DSCAML1: variants seen among roughly 807,000 people sequenced by gnomAD.
DSCAML1 encodes cell adhesion molecule DSCAML1.
In DSCAML1, 38 loss-of-function variants were observed where a neutral mutation model predicts 200.5. The observed-to-expected ratio is 0.19, with a 90% CI of 0.15 to 0.25. The LOEUF (loss-of-function observed/expected upper bound fraction) is 0.25, where lower values mean the gene tolerates loss of function less well. Among genes scored for constraint, DSCAML1 ranks in the 10% least tolerant of loss-of-function variants. The pLI is 1.00. For missense variants in DSCAML1, 2,223 were observed against 2,858.8 expected, an observed-to-expected ratio of 0.78 and a Z score of 5.07; for synonymous variants, 1,215 against 1,165.0, an observed-to-expected ratio of 1.04 and a Z score of -0.87.
At chr11:117,789,335 A>G (rs894195666) in intron 1 of DSCAML1, among the ~76,000 whole-genome samples, 3 of 152,178 alleles carry the variant, frequency 2.0e-5, no homozygotes, top group African/African-American at 7.2e-5. Flanking sequence ...AAGGTCCCTT[A>G]TGGCCAAAAT....
intron 3 of DSCAML1, among the ~76,000 whole-genome samples, chr11:117,639,530 A>G (rs1314892412): frequency 6.6e-6 from 1 of 151,718 alleles, no homozygotes; most frequent in Non-Finnish European, 1.5e-5. Context: ...AAAGAGATCT[A>G]AAAGTCTTTG....
At chr11:117,593,525 G>T (rs1338703521) in intron 3 of DSCAML1, among the ~76,000 whole-genome samples, 1 of 152,192 alleles carries the variant, frequency 6.6e-6, no homozygotes, top group Non-Finnish European at 1.5e-5. Context: ...TGTGTATAGG[G>T]TTCTACAAAT....
intron 3 of DSCAML1, among the ~76,000 whole-genome samples, chr11:117,716,874 G>A (rs1244457400): frequency 6.6e-6 from 1 of 152,138 alleles, no homozygotes; most frequent in Non-Finnish European, 1.5e-5. Context: ...CAGAGCTGAG[G>A]TGGTTGCCAC....
chr11:117,633,758 G>A (rs1447707127), intron 3 of DSCAML1, among the ~76,000 whole-genome samples: 3 of 152,230 alleles, frequency 2.0e-5, no homozygotes, highest in African/African-American at 7.2e-5. Context: ...AACGCAGCAC[G>A]GCAGGCAGAA....
chr11:117,470,313 C>T (rs925948544), intron 15 of DSCAML1, among the ~76,000 whole-genome samples: 18 of 152,144 alleles, frequency 1.2e-4, no homozygotes, highest in Admixed American at 1.2e-3. Context: ...CGGTGGCTCA[C>T]ACCTGTAATC....
intron 3 of DSCAML1, among the ~76,000 whole-genome samples, chr11:117,718,664 C>CAA (rs67925411): frequency 2.3e-4 from 10 of 43,022 alleles, no homozygotes; most frequent in African/African-American, 4.9e-4. Flanking sequence ...GATGAATACT[C>CAA]AAAACCCCCC....
At chr11:117,515,271 C>T (rs2137302008) in intron 8 of DSCAML1, among the ~76,000 whole-genome samples, 1 of 152,286 alleles carries the variant, frequency 6.6e-6, no homozygotes, top group South Asian at 2.1e-4. Flanking sequence ...TGACTCAGTA[C>T]CCAACCCCTG....
rs776758560 is a variant in DSCAML1 at position 117,503,918 on chromosome 11, G to A, written c.2286C>T (p.Ile762=). ...LLIRHVLEED[I]GYYLCQASNG... ...TGCTGGCCTGGCAGAGGTAGTAGCC[G>A]ATGTCCTCTTCTAGGACGTGGCGGA... Residue 762 remains isoleucine (I), a synonymous_variant, in exon 11 of 33, where the codon ATC becomes ATT. Transcript: ENST00000651296. The surrounding 1 kb of genome is among the most constrained non-coding windows in gnomAD (Gnocchi z 5.2). The A allele has an allele frequency of 3.5e-5, 57 of 1,614,066 alleles. No homozygotes were observed. The highest frequency in any genetic ancestry group is 2.2e-4 in the East Asian group (10 of 44,886).
At chr11:117,629,382 C>G (rs999516830) in intron 3 of DSCAML1, among the ~76,000 whole-genome samples, 4 of 152,108 alleles carry the variant, frequency 2.6e-5, no homozygotes, top group African/African-American at 9.7e-5. Context: ...AGCTGGGAGG[C>G]CACGGAAGCT....
intron 11 of DSCAML1, among the ~76,000 whole-genome samples, chr11:117,499,790 A>G (rs2049361267): frequency 6.6e-6 from 1 of 152,184 alleles, no homozygotes; most frequent in Non-Finnish European, 1.5e-5. Flanking sequence ...GTTGCCATCA[A>G]AGATGTCCAA....
At chr11:117,808,318 G>A (rs926856628) in intron 1 of DSCAML1, among the ~76,000 whole-genome samples, 3 of 152,200 alleles carry the variant, frequency 2.0e-5, no homozygotes, top group East Asian at 1.9e-4. Flanking sequence ...GCAATCTGCC[G>A]ACACATTCCT....
intron 3 of DSCAML1, among the ~76,000 whole-genome samples, chr11:117,550,127 T>A (rs2050443514): frequency 6.6e-6 from 1 of 152,206 alleles, no homozygotes; most frequent in South Asian, 2.1e-4. Context: ...GGCCTTTTAC[T>A]ATTAATTTGT....
intron 3 of DSCAML1, among the ~76,000 whole-genome samples, chr11:117,610,939 G>A (rs2051679421): frequency 6.6e-6 from 1 of 150,786 alleles, no homozygotes; most frequent in Non-Finnish European, 1.5e-5. Context: ...GCATTGCTGA[G>A]TCAAAGGGTA....
At chr11:117,487,097 G>T (rs2049088352) in intron 11 of DSCAML1, among the ~76,000 whole-genome samples, 1 of 151,538 alleles carries the variant, frequency 6.6e-6, no homozygotes, top group Non-Finnish European at 1.5e-5. Flanking sequence ...GCTAATTTTT[G>T]CATTTTTAGT....
At position 117,807,087 on chromosome 11, in the gene DSCAML1, A is replaced by G. The variant is rs193020467; in HGVS notation, c.-250+10303T>C. ...CCGGGGCACCCGCTTCCCCCAAGCC[A>G]CACGCCAGATTTCAGGCTAGCCACT... On this transcript the variant is annotated intron_variant, in intron 1 of 2. Transcript: ENST00000525836. Among the ~76,000 whole-genome samples the G allele has an allele frequency of 6.6e-5, 10 of 152,362 alleles. No homozygotes were observed. The East Asian group carries it at 1.9e-3, about 29-fold the overall frequency.
At chr11:117,625,165 C>G (rs1262465842) in intron 3 of DSCAML1, among the ~76,000 whole-genome samples, 7 of 151,988 alleles carry the variant, frequency 4.6e-5, no homozygotes, top group African/African-American at 1.7e-4. Context: ...CACATGTATT[C>G]TCTGTGGGGG....
intron 5 of DSCAML1, among the ~76,000 whole-genome samples, chr11:117,522,562 G>T (rs2049903100): frequency 6.6e-6 from 1 of 152,230 alleles, no homozygotes; most frequent in South Asian, 2.1e-4. Context: ...GAGAGAGGAA[G>T]ATTGCAAGCT....
chr11:117,671,521 G>A (rs1028038575), intron 3 of DSCAML1, among the ~76,000 whole-genome samples: 11 of 152,208 alleles, frequency 7.2e-5, no homozygotes, highest in East Asian at 1.9e-4. Flanking sequence ...CTGTGTGCCC[G>A]GCAGGATAAG....
At chr11:117,799,964 TGA>T (rs2055642367), upstream of DSCAML1, among the ~76,000 whole-genome samples, 1 of 152,094 alleles carries the variant, frequency 6.6e-6, no homozygotes, top group Non-Finnish European at 1.5e-5. Flanking sequence ...TTCCATGCTG[TGA>T]CAAAGCCAGA....
Sources: allele counts gnomAD v4.1 joint callset (sites outside exome capture counted in the v4.1 genomes callset), GRCh38; gene constraint gnomAD v4.1.1; non-coding constraint Gnocchi (gnomAD v3.1); transcripts MANE v1.5; gene names NCBI Gene and HGNC (gene_info 2026-07-23, HGNC 2026-07-21).